Variants in TMEM260 observed in about 807,000 individuals in gnomAD.
TMEM260 encodes protein O-mannosyl-transferase TMEM260.
Under a neutral mutation model 88.9 loss-of-function variants are expected in TMEM260, and 82 were observed. The ratio of observed to expected loss-of-function variants is 0.92; its 90% confidence interval spans 0.77 to 1.11. TMEM260 has a LOEUF of 1.11. TMEM260 is among the 50% of genes least tolerant of loss of function. The pLI, the probability that TMEM260 is intolerant of heterozygous loss-of-function variation, is 0.00. For missense variants in TMEM260, 902 were observed against 853.4 expected (o/e 1.06, Z -0.71); for synonymous variants, 314 against 309.3 (o/e 1.02, Z -0.16).
At chr14:56,651,704 T>A (rs769584574), downstream of TMEM260, among the ~76,000 whole-genome samples, 2 of 152,206 alleles carry the variant, frequency 1.3e-5, no homozygotes, top group Non-Finnish European at 2.9e-5. Flanking sequence ...AGTCTTCTGG[T>A]ACATAGTTGC....
chr14:56,639,614 C>T (rs529586580), intron 15 of TMEM260, among the ~76,000 whole-genome samples: 119 of 152,272 alleles, frequency 7.8e-4, no homozygotes, highest in Admixed American at 2.7e-3. Flanking sequence ...ACTGAGGTAC[C>T]GGGTTCATCT....
intron 15 of TMEM260, among the ~76,000 whole-genome samples, chr14:56,636,869 A>C (rs2139637483): frequency 6.6e-6 from 1 of 152,356 alleles, no homozygotes; most frequent in African/African-American, 2.4e-5. Flanking sequence ...TATGTAACAA[A>C]GCAGGGGGTG....
At chr14:56,579,731 G>T (rs1884969391), upstream of TMEM260, 3 of 442,016 alleles carry the variant, frequency 6.8e-6, no homozygotes, top group Admixed American at 1.3e-4. Context: ...CTGGCTCAAG[G>T]GAGGCCTGGC....
At position 56,589,743 on chromosome 14, in the gene TMEM260, CTT is replaced by C. The variant is rs139572380; in HGVS notation, c.344+3832_344+3833del. Among the ~76,000 whole-genome samples the C allele has an allele frequency of 7.1e-3, 1,077 of 152,152 alleles. 16 individuals carry two copies. Among genetic ancestry groups the C allele is most frequent in the African/African-American group, 0.023 (972 of 41,520 alleles). On this transcript the variant is annotated intron_variant, in intron 3 of 15. Transcript: ENST00000261556. ...ACTCATGGATTTTGTAATTTTATAA[CTT>C]ATATATTTTTAAACATCGTGTTGCT...
intron 15 of TMEM260, among the ~76,000 whole-genome samples, chr14:56,641,783 G>C (rs1023230542): frequency 3.3e-5 from 5 of 152,200 alleles, no homozygotes; most frequent in African/African-American, 1.2e-4. Context: ...CTCACGTGCA[G>C]AGACACACAT....
chr14:56,581,220 G>A (rs1338207163), intron 1 of TMEM260, among the ~76,000 whole-genome samples: 1 of 152,084 alleles, frequency 6.6e-6, no homozygotes, highest in Non-Finnish European at 1.5e-5. Context: ...TTTATTCCTG[G>A]AACTTCGTCA....
downstream of TMEM260, among the ~76,000 whole-genome samples, chr14:56,652,509 T>A (rs978583410): frequency 5.6e-4 from 77 of 138,292 alleles, no homozygotes; most frequent in African/African-American, 1.8e-3. Flanking sequence ...AAAAAAAAAA[T>A]TATTATAAAA....
At chr14:56,637,129 A>AAGG (rs1397180449) in intron 15 of TMEM260, among the ~76,000 whole-genome samples, 1 of 152,232 alleles carries the variant, frequency 6.6e-6, no homozygotes, top group African/African-American at 2.4e-5. Flanking sequence ...GAGCCTCCTG[A>AAGG]AGGAATGCAG....
the TMEM260 span, among the ~76,000 whole-genome samples, chr14:56,660,156 G>T: frequency 6.6e-6 from 1 of 152,198 alleles, no homozygotes; most frequent in African/African-American, 2.4e-5. Context: ...GGGCATAGCA[G>T]ATAAGCATTG....
intron 3 of TMEM260, among the ~76,000 whole-genome samples, chr14:56,590,070 A>G (rs1885756672): frequency 6.6e-6 from 1 of 152,214 alleles, no homozygotes; most frequent in African/African-American, 2.4e-5. Context: ...AAAGTACTGG[A>G]GCGTTAATTT....
chr14:56,629,155 C>T (rs1227671008), intron 12 of TMEM260, among the ~76,000 whole-genome samples: 1 of 151,978 alleles, frequency 6.6e-6, no homozygotes, highest in Non-Finnish European at 1.5e-5. Context: ...CTTGGCCTCC[C>T]AAAGTGCTAG....
At chr14:56,619,872 G>C (rs1220497215) in intron 10 of TMEM260, among the ~76,000 whole-genome samples, 1 of 152,056 alleles carries the variant, frequency 6.6e-6, no homozygotes, top group Non-Finnish European at 1.5e-5. Context: ...CAATAACAAA[G>C]ACATGGAATC....
intron 4 of TMEM260, among the ~76,000 whole-genome samples, chr14:56,605,131 A>G (rs934048823): frequency 7.2e-5 from 11 of 152,192 alleles, no homozygotes; most frequent in Non-Finnish European, 1.0e-4. Context: ...GCCAGTTATG[A>G]AACTAACACA....
chr14:56,622,330 G>C (rs1202198508), intron 11 of TMEM260, among the ~76,000 whole-genome samples: 1 of 116,190 alleles, frequency 8.6e-6, no homozygotes, highest in South Asian at 2.8e-4. Context: ...GCAACAGGGC[G>C]AGACTCCGTC....
intron 1 of TMEM260, among the ~76,000 whole-genome samples, chr14:56,580,328 C>T (rs964565699): frequency 3.9e-5 from 6 of 152,320 alleles, no homozygotes; most frequent in African/African-American, 1.4e-4. Flanking sequence ...TTATCGACCT[C>T]TCCACTTCCC....
intron 15 of TMEM260, among the ~76,000 whole-genome samples, chr14:56,643,577 A>G (rs529219815): frequency 0.012 from 1,799 of 152,106 alleles, 38 homozygotes; most frequent in African/African-American, 0.039. Flanking sequence ...AAAACTGGAA[A>G]CATTCCCTTT....
At chr14:56,591,478 C>T (rs1885855805) in intron 3 of TMEM260, among the ~76,000 whole-genome samples, 1 of 152,178 alleles carries the variant, frequency 6.6e-6, no homozygotes, top group African/African-American at 2.4e-5. Flanking sequence ...TCTTAACATT[C>T]TAAGAATTAC....
At chr14:56,630,468 G>GTATC (rs1555339809) in intron 12 of TMEM260, among the ~76,000 whole-genome samples, 2 of 149,998 alleles carry the variant, frequency 1.3e-5, no homozygotes, top group East Asian at 1.9e-4. Flanking sequence ...TGTTTAAATT[G>GTATC]TATCTTTTTT....
At chr14:56,654,112 CTCCTT>C (rs926518135), downstream of TMEM260, among the ~76,000 whole-genome samples, 36 of 152,362 alleles carry the variant, frequency 2.4e-4, no homozygotes, top group African/African-American at 7.7e-4. Context: ...CTTTCCCCCT[CTCCTT>C]CAACCCTCCA....
Sources: allele counts gnomAD v4.1 joint callset (sites outside exome capture counted in the v4.1 genomes callset), GRCh38; gene constraint gnomAD v4.1.1; transcripts MANE v1.5; gene names NCBI Gene and HGNC (gene_info 2026-07-23, HGNC 2026-07-21).